PCYOX1: variants seen among roughly 807,000 people sequenced by gnomAD.
PCYOX1 encodes prenylcysteine lyase.
Under a neutral mutation model 46.4 loss-of-function variants are expected in PCYOX1, and 46 were observed. That is an observed-to-expected ratio of 0.99 (90% CI 0.78 to 1.27). The LOEUF is 1.27. Ranked by LOEUF, PCYOX1 falls within the 50% of genes most tolerant of loss-of-function variation. The pLI is 0.00. For synonymous variants in PCYOX1, 220 were observed against 231.8 expected (o/e 0.95, Z 0.46); for missense variants, 658 against 628.3 (o/e 1.05, Z -0.51).
At chr2:70,270,751 T>G (rs571719929) in intron 3 of PCYOX1, among the ~76,000 whole-genome samples, 1 of 152,320 alleles carries the variant, frequency 6.6e-6, no homozygotes, top group Admixed American at 6.5e-5. Context: ...ATTTCTAGTC[T>G]TCTTTTCAGA....
intron 3 of PCYOX1, among the ~76,000 whole-genome samples, chr2:70,263,230 TAA>T (rs200696905): frequency 3.5e-5 from 5 of 142,684 alleles, no homozygotes; most frequent in Non-Finnish European, 3.0e-5. Context: ...CCAGACTGTC[TAA>T]AAAAAAAAAA....
intron 3 of PCYOX1, among the ~76,000 whole-genome samples, chr2:70,265,024 A>T (rs1696492516): frequency 1.3e-5 from 2 of 151,994 alleles, no homozygotes; most frequent in Admixed American, 1.3e-4. Context: ...CACTCGAAAG[A>T]GGGCTCAAGC....
chr2:70,266,908 C>G (rs914921404), intron 3 of PCYOX1, among the ~76,000 whole-genome samples: 1 of 152,304 alleles, frequency 6.6e-6, no homozygotes, highest in East Asian at 1.9e-4. Context: ...CTTCCTTTCC[C>G]CACATTTCCC....
rs374488039 is a variant in PCYOX1 at position 70,258,151 on chromosome 2, A to T, written c.-14A>T. ...GCGGGGCTCTTGAGGCCAGCTGCAG[A>T]GCTTGTGGAGGCCATGGGGCGCGTC... On this transcript the variant is annotated 5_prime_UTR_variant, in exon 1 of 6. Transcript: ENST00000433351. 4.3e-5 allele frequency: 68 copies of T among 1,583,432 alleles called. No homozygotes were observed. Among genetic ancestry groups the T allele is most frequent in the Middle Eastern group, 4.0e-4 (2 of 5,044 alleles).
At chr2:70,266,509 G>A (rs1036371953) in intron 3 of PCYOX1, among the ~76,000 whole-genome samples, 1 of 151,420 alleles carries the variant, frequency 6.6e-6, no homozygotes, top group Admixed American at 6.6e-5. Context: ...GGTGTTCTTC[G>A]GAGAGGGGGA....
At chr2:70,276,367 C>G (rs905347790) in intron 5 of PCYOX1, among the ~76,000 whole-genome samples, 1 of 151,818 alleles carries the variant, frequency 6.6e-6, no homozygotes, top group African/African-American at 2.4e-5. Context: ...CCACCGCGCT[C>G]GGCTAATTTT....
intron 3 of PCYOX1, among the ~76,000 whole-genome samples, chr2:70,272,747 G>A (rs1189096891): frequency 2.0e-5 from 3 of 152,014 alleles, no homozygotes; most frequent in African/African-American, 7.3e-5. Flanking sequence ...CATCCAGGGT[G>A]TAGTGCAGTG....
chr2:70,266,215 A>C (rs1275019460), intron 3 of PCYOX1, among the ~76,000 whole-genome samples: 2 of 152,088 alleles, frequency 1.3e-5, no homozygotes, highest in East Asian at 3.9e-4. Flanking sequence ...ATATAATCAC[A>C]AGGGTCCTTA....
rs780211858 is a variant in PCYOX1, at chr2:70,276,877, G to C, written c.1003G>C (p.Glu335Gln). Residue 335 changes from glutamate to glutamine, a missense_variant, in exon 6 of 6, where the codon GAA (glutamate) becomes CAA (glutamine). Physicochemically the swap from Glu to Gln is conservative, Grantham distance 29 (BLOSUM62 2). Transcript: ENST00000433351. ...TCTCAACTTTGATCCTCCAATTGAG[G>C]AATTCCATCAATATTATCAACATAT... Reference protein sequence around the residue: ...TFLNFDPPIEEFHQYYQHIVT... With the variant: ...TFLNFDPPIEQFHQYYQHIVT... 4 of 1,613,500 alleles carry C rather than the reference G, an allele frequency of 2.5e-6. No homozygotes were observed. The South Asian group carries it at 4.4e-5, about 18-fold the overall frequency.
intron 3 of PCYOX1, among the ~76,000 whole-genome samples, chr2:70,272,416 T>G (rs2104897880): frequency 6.6e-6 from 1 of 151,588 alleles, no homozygotes; most frequent in African/African-American, 2.4e-5. Flanking sequence ...CATGAACCAC[T>G]GCGCCTGGCT....
rs758329714 is a variant in PCYOX1, at chr2:70,258,146, T to G, written c.-19T>G. ...GGACTGCGGGGCTCTTGAGGCCAGCTGCAGAGCTTGTGGAGGCCATGGGGC... is the reference window on the plus strand; with the variant it reads ...GGACTGCGGGGCTCTTGAGGCCAGCGGCAGAGCTTGTGGAGGCCATGGGGC... On this transcript the variant is annotated 5_prime_UTR_variant, in exon 1 of 6. Coordinates refer to ENST00000433351, the MANE Select transcript of PCYOX1 (RefSeq NM_016297.4). The G allele has an allele frequency of 6.3e-7, 1 of 1,578,106 alleles. No homozygotes were observed. The highest frequency in any genetic ancestry group is 2.3e-5 in the East Asian group (1 of 42,804).
rs780368370 is a variant in PCYOX1, at chr2:70,258,156, G to T, written c.-9G>T. On this transcript the variant is annotated 5_prime_UTR_variant, in exon 1 of 6. Coordinates refer to ENST00000433351, the MANE Select transcript of PCYOX1 (RefSeq NM_016297.4). The stretch of plus-strand genomic sequence containing the variant: ...GCTCTTGAGGCCAGCTGCAGAGCTT[G>T]TGGAGGCCATGGGGCGCGTCGTCGC... 2.5e-6 allele frequency: 4 copies of T among 1,588,166 alleles called. No homozygotes were observed. Among genetic ancestry groups the T allele is most frequent in the East Asian group, 2.3e-5 (1 of 43,170 alleles).
At position 70,279,458 on chromosome 2, in the gene PCYOX1, TGGGA is replaced by T; in HGVS notation, c.*2067_*2070del. ...CATCATTTGTAGACTTGTTTTGCAA[TGGGA>T]TATATTTTTACTTATAATACCAATT... On this transcript the variant is annotated 3_prime_UTR_variant, in exon 6 of 6. Transcript: ENST00000433351. The T allele has an allele frequency of 6.6e-6, 1 of 152,244 alleles. No homozygotes were observed. Among genetic ancestry groups the T allele is most frequent in the Non-Finnish European group, 1.5e-5 (1 of 68,042 alleles). 9.4% of individuals were successfully genotyped at this position (152,244 alleles called of 1,614,324 possible). A position where few individuals can be genotyped will look rare whatever the true frequency, so the allele number is the denominator to read the frequency against.
chr2:70,270,403 T>C (rs181751184), intron 3 of PCYOX1, among the ~76,000 whole-genome samples: 47 of 152,348 alleles, frequency 3.1e-4, no homozygotes, highest in Admixed American at 2.0e-3. Flanking sequence ...CTCATAGCTT[T>C]TATGGAGGAG....
chr2:70,273,366 A>G (rs1443615706), intron 3 of PCYOX1, among the ~76,000 whole-genome samples: 1 of 152,182 alleles, frequency 6.6e-6, no homozygotes, highest in East Asian at 1.9e-4. Flanking sequence ...CAGTTTTGGC[A>G]TAGATATCGA....
rs767915680 is a variant in PCYOX1 at position 70,259,544 on chromosome 2, G to C, written c.297G>C (p.Met99Ile). 5 of 1,613,886 alleles carry C rather than the reference G, an allele frequency of 3.1e-6. No homozygotes were observed. In the Admixed American group the frequency reaches 5.0e-5, roughly 16 times the overall value. The change falls in exon 2 of 6, where the codon ATG becomes ATC. Residue 99 changes from methionine to isoleucine, a missense_variant. Transcript: ENST00000433351. ...TCATCCATCCTTTAAATCTGCACAT[G>C]AAACGTTTTGTCAAAGACCTGGGTA... The part of the protein sequence containing the change: ...GSVIHPLNLH[M>I]KRFVKDLGLS...
chr2:70,275,698 C>A (rs1381630346), intron 5 of PCYOX1, 32 bp downstream of exon 5: 18 of 1,597,024 alleles, frequency 1.1e-5, no homozygotes, highest in Non-Finnish European at 1.5e-5. Context: ...TTCCTGATAT[C>A]CCCTGCAGAA....
chr2:70,272,202 C>G (rs1395599818), intron 3 of PCYOX1, among the ~76,000 whole-genome samples: 1 of 150,880 alleles, frequency 6.6e-6, no homozygotes, highest in Non-Finnish European at 1.5e-5. Context: ...TCTCGGCTCA[C>G]TGCAACCTCT....
intron 5 of PCYOX1, among the ~76,000 whole-genome samples, chr2:70,276,397 G>A (rs1004475405): frequency 2.0e-5 from 3 of 151,870 alleles, no homozygotes; most frequent in Non-Finnish European, 2.9e-5. Flanking sequence ...TAGTAGAGAC[G>A]GGGTTTCACC....
Sources: allele counts gnomAD v4.1 joint callset (sites outside exome capture counted in the v4.1 genomes callset), GRCh38; gene constraint gnomAD v4.1.1; transcripts MANE v1.5; gene names NCBI Gene and HGNC (gene_info 2026-07-23, HGNC 2026-07-21).